The following INPP4B variants were observed in gnomAD, a reference collection of about 807,000 sequenced individuals.
INPP4B encodes inositol polyphosphate-4-phosphatase type II B.
INPP4B carries 55 observed loss-of-function variants against 122.5 expected under a neutral mutation model. That is an observed-to-expected ratio of 0.45 (90% confidence interval 0.36 to 0.56). The LOEUF (loss-of-function observed/expected upper bound fraction) is 0.56, where lower values mean the gene tolerates loss of function less well. Among genes scored for constraint, INPP4B ranks in the 20% least tolerant of loss-of-function variants. INPP4B has a pLI of 0.00. For missense variants in INPP4B, 1,000 were observed against 1,097.7 expected (o/e 0.91, Z 1.26); for synonymous variants, 403 against 388.7 (o/e 1.04, Z -0.43).
chr4:142,279,356 G>T (rs748084244), intron 9 of INPP4B, among the ~76,000 whole-genome samples: 2 of 151,620 alleles, frequency 1.3e-5, no homozygotes, highest in Non-Finnish European at 1.5e-5. Context: ...TAAAATGAAG[G>T]AATTGAACTA....
chr4:142,438,588 C>T (rs1274421350), intron 3 of INPP4B, among the ~76,000 whole-genome samples: 1 of 152,084 alleles, frequency 6.6e-6, no homozygotes, highest in Non-Finnish European at 1.5e-5. Context: ...AAACCTGAAA[C>T]CATAAGAACC....
At chr4:142,745,119 C>A (rs1768512699) in intron 1 of INPP4B, among the ~76,000 whole-genome samples, 1 of 151,506 alleles carries the variant, frequency 6.6e-6, no homozygotes, top group African/African-American at 2.4e-5. Flanking sequence ...TCTAAATAGA[C>A]CTTAAAAGTT....
chr4:142,042,392 G>C (rs1009281474), intron 25 of INPP4B, among the ~76,000 whole-genome samples: 4 of 152,072 alleles, frequency 2.6e-5, no homozygotes, highest in African/African-American at 9.7e-5. Flanking sequence ...TCATCACCAA[G>C]AGATTGAAGC....
At position 142,059,486 on chromosome 4, in the gene INPP4B, T is replaced by A. The variant is rs139055679; in HGVS notation, c.2642+22545A>T. Among the ~76,000 whole-genome samples the A allele has an allele frequency of 3.0e-4, 46 of 152,100 alleles. No homozygotes were observed. In the East Asian group the frequency reaches 8.7e-3, roughly 29 times the overall value. On this transcript the variant is annotated intron_variant, in intron 25 of 25. Transcript: ENST00000262992. Reference sequence around the variant, plus strand: ...GATTCTCTCTCAGTAGATTCTGAGGTTTTTCATGAGAAGGAACACAACATA... The same window carrying A: ...GATTCTCTCTCAGTAGATTCTGAGGATTTTCATGAGAAGGAACACAACATA...
chr4:142,778,623 A>C (rs1423291281), intron 1 of INPP4B, among the ~76,000 whole-genome samples: 1 of 152,058 alleles, frequency 6.6e-6, no homozygotes, highest in African/African-American at 2.4e-5. Context: ...TTACCACAGA[A>C]GATTCTCAGC....
chr4:142,837,298 G>A (rs191630019), intron 1 of INPP4B, among the ~76,000 whole-genome samples: 1 of 152,158 alleles, frequency 6.6e-6, no homozygotes, highest in Admixed American at 6.5e-5. Flanking sequence ...TCAAACAATA[G>A]TAGAAGAATA....
intron 12 of INPP4B, 84 bp from the exon 13 acceptor site, chr4:142,209,110 A>G: frequency 2.2e-6 from 2 of 926,940 alleles, no homozygotes; most frequent in Non-Finnish European, 3.1e-6. Flanking sequence ...TGTCAAGATA[A>G]TAAGAAATTA....
chr4:142,233,406 A>G (rs1312155510), intron 12 of INPP4B, among the ~76,000 whole-genome samples: 1 of 152,212 alleles, frequency 6.6e-6, no homozygotes, highest in African/African-American at 2.4e-5. Context: ...TGACTGTAAC[A>G]TAAAGTTTCT....
chr4:142,457,012 AT>A (rs1275032171), intron 3 of INPP4B, among the ~76,000 whole-genome samples: 2 of 152,048 alleles, frequency 1.3e-5, no homozygotes, highest in African/African-American at 4.8e-5. Context: ...ATAATCAATT[AT>A]TTTTTTACAG....
chr4:142,571,115 T>C (rs1358540340), intron 2 of INPP4B, among the ~76,000 whole-genome samples: 1 of 144,670 alleles, frequency 6.9e-6, no homozygotes, highest in African/African-American at 2.6e-5. Flanking sequence ...AAAAAGAGCA[T>C]GGAGTGGGGC....
intron 1 of INPP4B, among the ~76,000 whole-genome samples, chr4:142,834,798 G>A (rs1782586049): frequency 1.3e-5 from 2 of 152,108 alleles, no homozygotes; most frequent in South Asian, 4.1e-4. Context: ...ATTCTGACAA[G>A]AAAATTTAAA....
At chr4:142,037,483 T>G (rs2152310820) in intron 25 of INPP4B, among the ~76,000 whole-genome samples, 1 of 152,324 alleles carries the variant, frequency 6.6e-6, no homozygotes, top group Admixed American at 6.5e-5. Flanking sequence ...ATTTGATATC[T>G]TATTCCTTTG....
chr4:142,350,896 G>A (rs1365671837), intron 7 of INPP4B, among the ~76,000 whole-genome samples: 1 of 151,952 alleles, frequency 6.6e-6, no homozygotes, highest in African/African-American at 2.4e-5. Context: ...TGTTTATCCT[G>A]ACTCTGATGG....
intron 14 of INPP4B, among the ~76,000 whole-genome samples, chr4:142,199,042 TA>T: frequency 6.6e-6 from 1 of 152,052 alleles, no homozygotes; most frequent in African/African-American, 2.4e-5. Flanking sequence ...TTCATATCTT[TA>T]TCAGAGTATT....
chr4:142,260,949 T>C (rs1361405304), intron 10 of INPP4B, among the ~76,000 whole-genome samples: 1 of 152,222 alleles, frequency 6.6e-6, no homozygotes, highest in African/African-American at 2.4e-5. Context: ...TTCTAGAGTT[T>C]AAGTAATTGC....
intron 12 of INPP4B, among the ~76,000 whole-genome samples, chr4:142,230,719 T>G (rs756468071): frequency 6.6e-5 from 10 of 151,964 alleles, no homozygotes; most frequent in Non-Finnish European, 1.5e-4. Context: ...ATTTTATCTT[T>G]TCTCTTTTAT....
intron 2 of INPP4B, among the ~76,000 whole-genome samples, chr4:142,708,935 G>A (rs764774828): frequency 6.6e-5 from 10 of 152,226 alleles, no homozygotes; most frequent in Middle Eastern, 3.4e-3. Context: ...TGAAAGCAGT[G>A]GAGGGGGCTT....
intron 1 of INPP4B, among the ~76,000 whole-genome samples, chr4:142,805,043 A>G (rs1039246260): frequency 1.3e-5 from 2 of 152,214 alleles, no homozygotes; most frequent in African/African-American, 4.8e-5. Context: ...CCTGACACGC[A>G]GCATTCAACT....
chr4:142,580,347 G>T (rs1359588400), intron 2 of INPP4B, among the ~76,000 whole-genome samples: 1 of 151,904 alleles, frequency 6.6e-6, no homozygotes, highest in Non-Finnish European at 1.5e-5. Flanking sequence ...GTCACATTGT[G>T]CTCAGCAAAT....
Sources: gnomAD v4.1 joint callset for allele counts (sites outside exome capture counted in the v4.1 genomes callset) on GRCh38, gnomAD v4.1.1 for gene constraint, MANE v1.5 for transcripts, NCBI Gene and HGNC (gene_info 2026-07-23, HGNC 2026-07-21) for gene names.